Variants in SYNPO2 observed in about 807,000 individuals in gnomAD.
SYNPO2 encodes synaptopodin 2.
Under a neutral mutation model 85.0 loss-of-function variants are expected in SYNPO2, and 56 were observed. That is an observed-to-expected ratio of 0.66 (90% CI 0.53 to 0.82). SYNPO2 has a LOEUF of 0.82. Among genes scored for constraint, SYNPO2 ranks in the 40% least tolerant of loss-of-function variants. SYNPO2 has a pLI of 0.00. For missense variants in SYNPO2, 1,575 were observed against 1,534.2 expected (o/e 1.03, Z -0.44); for synonymous variants, 602 against 591.1 (o/e 1.02, Z -0.27).
intron 1 of SYNPO2, among the ~76,000 whole-genome samples, chr4:118,973,426 C>T (rs1442158207): frequency 3.9e-5 from 6 of 151,982 alleles, no homozygotes; most frequent in Non-Finnish European, 7.4e-5. Flanking sequence ...GAGAAAGCCA[C>T]AGCATAGCAC....
intron 1 of SYNPO2, among the ~76,000 whole-genome samples, chr4:118,900,237 T>A (rs1251184593): frequency 6.6e-6 from 1 of 152,250 alleles, no homozygotes; most frequent in Non-Finnish European, 1.5e-5. Context: ...AAATTTGCTT[T>A]CAAAGCAATT....
intron 1 of SYNPO2, among the ~76,000 whole-genome samples, chr4:118,917,337 G>A (rs1272587844): frequency 1.3e-5 from 2 of 152,150 alleles, no homozygotes; most frequent in Non-Finnish European, 2.9e-5. Flanking sequence ...TTTGCAGTGA[G>A]CCAAGATCGC....
intron 1 of SYNPO2, among the ~76,000 whole-genome samples, chr4:118,964,685 C>T (rs908465977): frequency 1.3e-5 from 2 of 151,696 alleles, no homozygotes; most frequent in African/African-American, 4.8e-5. Context: ...TTTTTTTTCT[C>T]ATTAATCTTA....
At chr4:118,960,442 T>C (rs1306573546) in intron 1 of SYNPO2, among the ~76,000 whole-genome samples, 1 of 152,202 alleles carries the variant, frequency 6.6e-6, no homozygotes, top group Non-Finnish European at 1.5e-5. Context: ...GGTGAGAATG[T>C]AAAATGGTAA....
intron 4 of SYNPO2, chr4:119,038,081 T>A: frequency 2.1e-6 from 2 of 931,356 alleles, no homozygotes; most frequent in Non-Finnish European, 2.6e-6. Context: ...TGGATTAGGG[T>A]TAGATTTAGA....
In SYNPO2 at chr4:119,031,760, G is replaced by A; in HGVS notation, c.2985G>A (p.Lys995=). ...KDGLPQKSSV[K]VNSALAMKQA... Reference sequence around the variant, plus strand: ...GCCTCCCCCAGAAGTCATCAGTCAAGGTCAATTCAGCCCTGGCCATGAAGC... The same window carrying A: ...GCCTCCCCCAGAAGTCATCAGTCAAAGTCAATTCAGCCCTGGCCATGAAGC... The change falls in exon 4 of 5, where the codon AAG becomes AAA. Residue 995 remains lysine, a synonymous_variant. Transcript: ENST00000307142. The A allele has an allele frequency of 6.2e-7, 1 of 1,614,224 alleles. No individual in the cohort carries two copies. The highest frequency in any genetic ancestry group is 1.1e-5 in the South Asian group (1 of 91,084).
chr4:118,886,625 G>A (rs1227803424), upstream of SYNPO2, among the ~76,000 whole-genome samples: 1 of 152,172 alleles, frequency 6.6e-6, no homozygotes, highest in African/African-American at 2.4e-5. Context: ...TGGTGTATAT[G>A]TGCCATATTT....
At chr4:118,853,991 C>A (rs1430487163) in intron 1 of SYNPO2, among the ~76,000 whole-genome samples, 1 of 152,148 alleles carries the variant, frequency 6.6e-6, no homozygotes, top group Admixed American at 6.5e-5. Flanking sequence ...GTTGTCAATG[C>A]TTTTTTAAAA....
At chr4:119,028,124 T>C (rs1047228232) in intron 3 of SYNPO2, among the ~76,000 whole-genome samples, 1 of 152,170 alleles carries the variant, frequency 6.6e-6, no homozygotes, top group Admixed American at 6.5e-5. Flanking sequence ...TGGCATTTTG[T>C]TTTACCCAGG....
intron 1 of SYNPO2, among the ~76,000 whole-genome samples, chr4:119,004,395 G>C (rs1736940787): frequency 7.5e-6 from 1 of 134,014 alleles, no homozygotes; most frequent in African/African-American, 2.8e-5. Flanking sequence ...CCCCACAACA[G>C]TCCCCGGTGT....
intron 1 of SYNPO2, among the ~76,000 whole-genome samples, chr4:119,015,381 G>A (rs1737488465): frequency 6.6e-6 from 1 of 152,222 alleles, no homozygotes. Context: ...TTATTTATGA[G>A]AAAACTAGAA....
At chr4:118,996,041 T>C (rs1458199531) in intron 1 of SYNPO2, among the ~76,000 whole-genome samples, 2 of 152,232 alleles carry the variant, frequency 1.3e-5, no homozygotes, top group Non-Finnish European at 2.9e-5. Context: ...TCCTATCACC[T>C]ACAATGGAAA....
At chr4:118,896,598 T>C (rs142512403) in intron 1 of SYNPO2, among the ~76,000 whole-genome samples, 1 of 152,328 alleles carries the variant, frequency 6.6e-6, no homozygotes, top group African/African-American at 2.4e-5. Context: ...GTTTATGGTT[T>C]TGGATTACTT....
intron 1 of SYNPO2, among the ~76,000 whole-genome samples, chr4:118,936,952 A>AT (rs1376057718): frequency 6.6e-6 from 1 of 151,988 alleles, no homozygotes; most frequent in Non-Finnish European, 1.5e-5. Flanking sequence ...TACTTCCACA[A>AT]TACACTTCAC....
At chr4:118,969,415 T>TGCA (rs1553942174) in intron 1 of SYNPO2, among the ~76,000 whole-genome samples, 28 of 151,712 alleles carry the variant, frequency 1.8e-4, no homozygotes, top group Admixed American at 1.2e-3. Flanking sequence ...TGTAAAAAAG[T>TGCA]ACGTTTCTCT....
At chr4:119,055,452 C>T (rs1739181420) in intron 4 of SYNPO2, among the ~76,000 whole-genome samples, 1 of 152,170 alleles carries the variant, frequency 6.6e-6, no homozygotes, top group Non-Finnish European at 1.5e-5. Flanking sequence ...ACTGCACTGG[C>T]CCAAACTGGT....
chr4:119,030,205 G>A lies in SYNPO2; in HGVS notation c.1430G>A (p.Arg477Lys). 6.2e-7 allele frequency: 1 copy of A among 1,614,108 alleles called. No homozygotes were observed. The highest frequency in any genetic ancestry group is 8.5e-7 in the Non-Finnish European group (1 of 1,180,002). The part of the protein sequence containing the change: ...GLVDIEKKLN[R>K]GDKMEMLPDT... ...GTGGACATTGAAAAGAAACTGAACA[G>A]AGGGGACAAGATGGAGATGTTACCA... Residue 477 changes from arginine (R) to lysine (K), a missense_variant, in exon 4 of 5, where the codon AGA becomes AAA. Physicochemically the swap from Arg to Lys is conservative, Grantham distance 26. Coordinates refer to ENST00000307142, the MANE Select transcript of SYNPO2 (RefSeq NM_133477.3).
At chr4:119,051,461 G>T (rs984958220) in intron 4 of SYNPO2, among the ~76,000 whole-genome samples, 3 of 151,862 alleles carry the variant, frequency 2.0e-5, no homozygotes, top group Non-Finnish European at 2.9e-5. Context: ...AAAGTGCTGG[G>T]ATTACAGGCG....
intron 1 of SYNPO2, among the ~76,000 whole-genome samples, chr4:118,973,443 T>G (rs1735611776): frequency 6.6e-6 from 1 of 152,140 alleles, no homozygotes; most frequent in Non-Finnish European, 1.5e-5. Flanking sequence ...GCACGTATGA[T>G]ATGATACTGG....
Sources: allele counts gnomAD v4.1 joint callset (sites outside exome capture counted in the v4.1 genomes callset), GRCh38; gene constraint gnomAD v4.1.1; transcripts MANE v1.5; gene names NCBI Gene and HGNC (gene_info 2026-07-23, HGNC 2026-07-21).